CAMK2D: variants seen among roughly 807,000 people sequenced by gnomAD.
CAMK2D encodes the protein calcium/calmodulin-dependent protein kinase type II subunit delta.
In CAMK2D, 37 loss-of-function variants were observed where a neutral mutation model predicts 84.0. The observed-to-expected ratio is 0.44, with a 90% CI of 0.34 to 0.58. CAMK2D has a LOEUF of 0.58. CAMK2D is among the 20% of genes least tolerant of loss of function. CAMK2D has a pLI of 0.02. For missense variants in CAMK2D, 448 were observed against 652.5 expected, an observed-to-expected ratio of 0.69 and a Z score of 3.41; for synonymous variants, 202 against 212.5, an observed-to-expected ratio of 0.95 and a Z score of 0.43.
intron 3 of CAMK2D, among the ~76,000 whole-genome samples, chr4:113,661,066 A>AT (rs2099229242): frequency 6.6e-6 from 1 of 152,150 alleles, no homozygotes; most frequent in South Asian, 2.1e-4. Context: ...AAGTGCTGGG[A>AT]TTACAGGCAT....
At chr4:113,517,832 TG>T (rs2098305327) in intron 8 of CAMK2D, among the ~76,000 whole-genome samples, 175 bp from the exon 9 acceptor site, 1 of 152,168 alleles carries the variant, frequency 6.6e-6, no homozygotes, top group Admixed American at 6.5e-5. Flanking sequence ...GGAGGGTGAA[TG>T]CTTCTCCTCC....
In CAMK2D at chr4:113,498,381, T is replaced by TA. The variant is rs554387924; in HGVS notation, c.1135+2081dup. Among the ~76,000 whole-genome samples, 65 of 152,286 alleles carry TA rather than the reference T, an allele frequency of 4.3e-4. No homozygotes were observed. In the Middle Eastern group the frequency reaches 0.01, roughly 24 times the overall value. ...GTCTTCTAGTCTTAAAGGTTTCTGATATCATTCAATATTAAAAGGGTTAGT... is the reference window on the plus strand; with the variant it reads ...GTCTTCTAGTCTTAAAGGTTTCTGATAATCATTCAATATTAAAAGGGTTAGT... On this transcript the variant is annotated intron_variant, in intron 16 of 20. Coordinates refer to ENST00000511664, the MANE Select transcript of CAMK2D (RefSeq NM_001321571.2).
intron 3 of CAMK2D, among the ~76,000 whole-genome samples, chr4:113,643,723 T>C (rs139162254): frequency 9.1e-4 from 138 of 152,376 alleles, no homozygotes; most frequent in African/African-American, 3.2e-3. Flanking sequence ...ATCTGCTGGA[T>C]TTGGCTCTTT....
In CAMK2D at chr4:113,474,867, G is replaced by C. The variant is rs573013028; in HGVS notation, c.1136-9263C>G. On this transcript the variant is annotated intron_variant, in intron 16 of 20. Coordinates refer to ENST00000511664, the MANE Select transcript of CAMK2D (RefSeq NM_001321571.2). ...TCACCATGTTGGCCATGCTGGTCTT[G>C]AACTCCTGACCTCAGGTGATCTGCC... 2.1e-3 allele frequency among the ~76,000 whole-genome samples: 322 copies of C among 152,188 alleles called. 1 individual carries two copies. The highest frequency in any genetic ancestry group is 3.6e-3 in the Non-Finnish European group (243 of 68,000).
intron 2 of CAMK2D, among the ~76,000 whole-genome samples, chr4:113,698,173 A>C (rs945845251): frequency 1.3e-5 from 2 of 152,134 alleles, no homozygotes; most frequent in African/African-American, 4.8e-5. Flanking sequence ...AATTTATTGA[A>C]TACTACACTA....
chr4:113,570,458 C>A (rs1223460637), intron 4 of CAMK2D, among the ~76,000 whole-genome samples: 1 of 151,958 alleles, frequency 6.6e-6, no homozygotes, highest in Admixed American at 6.5e-5. Flanking sequence ...ATTCACAGAC[C>A]AATAGAAGAG....
At chr4:113,591,038 T>G (rs2098875363) in intron 4 of CAMK2D, among the ~76,000 whole-genome samples, 1 of 152,186 alleles carries the variant, frequency 6.6e-6, no homozygotes, top group Non-Finnish European at 1.5e-5. Flanking sequence ...TTTAGTGCTG[T>G]TTACATCCTT....
chr4:113,490,795 G>C (rs1374187690), intron 16 of CAMK2D, among the ~76,000 whole-genome samples: 1 of 128,940 alleles, frequency 7.8e-6, no homozygotes, highest in African/African-American at 3.2e-5. Context: ...TCTTCCATTT[G>C]TTTGTATCCT....
intron 3 of CAMK2D, among the ~76,000 whole-genome samples, chr4:113,658,625 T>C (rs538099070): frequency 6.6e-6 from 1 of 152,300 alleles, no homozygotes; most frequent in African/African-American, 2.4e-5. Context: ...GTTTACTGCC[T>C]GTCTCCCCCA....
chr4:113,543,084 A>G (rs17046202), intron 6 of CAMK2D, among the ~76,000 whole-genome samples: 8,255 of 152,258 alleles, frequency 0.054, 657 homozygotes, highest in African/African-American at 0.18. Flanking sequence ...GGTACATTTG[A>G]ACTGCAGAAA....
intron 16 of CAMK2D, among the ~76,000 whole-genome samples, chr4:113,478,206 T>C (rs1214558538): frequency 1.3e-5 from 2 of 152,182 alleles, no homozygotes; most frequent in Non-Finnish European, 2.9e-5. Context: ...GGCACTTGCA[T>C]AGTCAGATTA....
chr4:113,494,228 G>C (rs1249098125), intron 16 of CAMK2D, among the ~76,000 whole-genome samples: 1 of 152,176 alleles, frequency 6.6e-6, no homozygotes, highest in Non-Finnish European at 1.5e-5. Flanking sequence ...GCTTTTTAGA[G>C]TTTCCAGTTT....
intron 14 of CAMK2D, among the ~76,000 whole-genome samples, chr4:113,504,595 A>G (rs1333871429): frequency 1.3e-5 from 2 of 152,200 alleles, no homozygotes; most frequent in African/African-American, 2.4e-5. Flanking sequence ...CATTTGCATC[A>G]TGAAAAGAAG....
Position 113,513,421 on chromosome 4 carries a change from G to T in CAMK2D, c.904-51C>A, listed in dbSNP as rs774113998. Reference sequence around the variant, plus strand: ...GTCAGTGTTGCCTATGCAAATTCTGGACCTAACAAATATAGAGTCTTTGAT... The same window carrying T: ...GTCAGTGTTGCCTATGCAAATTCTGTACCTAACAAATATAGAGTCTTTGAT... On this transcript the variant is annotated intron_variant, in intron 11 of 20. Coordinates refer to ENST00000511664, the MANE Select transcript of CAMK2D (RefSeq NM_001321571.2). 11 of 1,132,474 alleles carry T rather than the reference G, an allele frequency of 9.7e-6. No homozygotes were observed. The South Asian group carries it at 1.4e-4, about 14-fold the overall frequency. The allele number at this position is 1,132,474 out of a possible 1,614,324, so 70.2% of individuals were successfully genotyped here.
intron 2 of CAMK2D, among the ~76,000 whole-genome samples, chr4:113,752,048 G>A (rs1462347455): frequency 4.6e-5 from 7 of 151,610 alleles, no homozygotes; most frequent in Non-Finnish European, 8.8e-5. Flanking sequence ...AAAAACCCCA[G>A]GGTATGAAGA....
chr4:113,633,177 A>G (rs1162971119), intron 3 of CAMK2D, among the ~76,000 whole-genome samples: 3 of 152,216 alleles, frequency 2.0e-5, no homozygotes, highest in Admixed American at 6.5e-5. Flanking sequence ...GAGATTATCT[A>G]TGTATACAAA....
chr4:113,523,475 G>A (rs1480634469), intron 8 of CAMK2D, among the ~76,000 whole-genome samples: 2 of 151,918 alleles, frequency 1.3e-5, no homozygotes, highest in Non-Finnish European at 2.9e-5. Flanking sequence ...GTCCCGCACA[G>A]TGACTTTAAA....
Position 113,506,784 on chromosome 4 carries a change from TACTTG to T in CAMK2D, c.985-1754_985-1750del, listed in dbSNP as rs570416425. On this transcript the variant is annotated intron_variant, in intron 13 of 20. Coordinates refer to ENST00000511664, the MANE Select transcript of CAMK2D (RefSeq NM_001321571.2). ...CTTTTATTTCTATTTTGGGATATGATACTTGACTTTTTTCTAGGATGTGGTTGCCA... is the reference window on the plus strand; with the variant it reads ...CTTTTATTTCTATTTTGGGATATGATACTTTTTTCTAGGATGTGGTTGCCA... Among the ~76,000 whole-genome samples the T allele has an allele frequency of 6.6e-5, 10 of 152,326 alleles. No homozygotes were observed. The East Asian group carries it at 9.6e-4, about 15-fold the overall frequency.
intron 16 of CAMK2D, among the ~76,000 whole-genome samples, chr4:113,469,039 C>A (rs1489455190): frequency 6.6e-6 from 1 of 152,172 alleles, no homozygotes; most frequent in African/African-American, 2.4e-5. Context: ...GAATTACTTT[C>A]CATGCAATTA....
Sources: gnomAD v4.1 joint callset for allele counts (sites outside exome capture counted in the v4.1 genomes callset) on GRCh38, gnomAD v4.1.1 for gene constraint, MANE v1.5 for transcripts, NCBI Gene and HGNC (gene_info 2026-07-23, HGNC 2026-07-21) for gene names.